Variants in SRL observed in about 807,000 individuals in gnomAD.
SRL encodes sarcalumenin.
Under a neutral mutation model 39.5 loss-of-function variants are expected in SRL, and 23 were observed. The observed-to-expected ratio is 0.58, with a 90% CI of 0.42 to 0.82. SRL has a LOEUF of 0.82. Ranked by LOEUF, SRL falls within the 40% of genes least tolerant of loss-of-function variation. The probability of loss-of-function intolerance (pLI) is 0.00; values close to 1 mark genes in which losing one functional copy is unlikely to be tolerated. For missense variants in SRL, 592 were observed against 607.8 expected (o/e 0.97, Z 0.27); for synonymous variants, 272 against 237.4 (o/e 1.15, Z -1.34).
chr16:4,199,334 AG>A (rs1292847697), intron 3 of SRL, among the ~76,000 whole-genome samples: 4 of 150,872 alleles, frequency 2.7e-5, no homozygotes, highest in Admixed American at 6.6e-5. Flanking sequence ...TGCATATATA[AG>A]CAATATTTGT....
In SRL at chr16:4,234,534, T is replaced by C. The variant is rs761349042; in HGVS notation, c.61+7473A>G. ...GCAGAGGGATGAGGGAGGCTGAAAATAGATGGAACAGGACTTCTCTGATAT... is the reference window on the plus strand; with the variant it reads ...GCAGAGGGATGAGGGAGGCTGAAAACAGATGGAACAGGACTTCTCTGATAT... On this transcript the variant is annotated intron_variant, in intron 1 of 5. Coordinates refer to ENST00000399609, the MANE Select transcript of SRL (RefSeq NM_001098814.2). 3.3e-5 allele frequency among the ~76,000 whole-genome samples: 5 copies of C among 152,062 alleles called. No individual in the cohort carries two copies. The East Asian group carries it at 9.6e-4, about 29-fold the overall frequency.
intron 1 of SRL, among the ~76,000 whole-genome samples, chr16:4,241,806 G>A (rs902393161): frequency 1.1e-4 from 17 of 152,170 alleles, no homozygotes; most frequent in Non-Finnish European, 5.9e-5. Flanking sequence ...TGAGGGCCCC[G>A]CAACTGTGCT....
intron 1 of SRL, chr16:4,208,102 G>A: frequency 2.2e-6 from 1 of 447,596 alleles, no homozygotes; most frequent in Non-Finnish European, 4.5e-6. Flanking sequence ...GAGACTTGCA[G>A]TTCTAAATGA....
chr16:4,235,633 T>C (rs2052706377), intron 1 of SRL, among the ~76,000 whole-genome samples: 2 of 152,098 alleles, frequency 1.3e-5, no homozygotes, highest in Non-Finnish European at 1.5e-5. Flanking sequence ...CCCAGGAAGT[T>C]GAGGCTGCAG....
intron 1 of SRL, among the ~76,000 whole-genome samples, chr16:4,222,154 C>T (rs2052537847): frequency 6.6e-6 from 1 of 152,216 alleles, no homozygotes; most frequent in Admixed American, 6.5e-5. Flanking sequence ...AGCCTGGCCC[C>T]TCGCTAATCC....
intron 1 of SRL, among the ~76,000 whole-genome samples, chr16:4,226,548 T>C (rs544401259): frequency 2.7e-5 from 4 of 150,542 alleles, no homozygotes; most frequent in Admixed American, 2.6e-4. Context: ...GATGGACACA[T>C]AGATGGAAAG....
At chr16:4,210,559 C>T (rs987500657) in intron 1 of SRL, among the ~76,000 whole-genome samples, 1 of 140,374 alleles carries the variant, frequency 7.1e-6, no homozygotes, top group East Asian at 2.1e-4. Context: ...AACGCGATCT[C>T]GGTTCACTGT....
Position 4,198,982 on chromosome 16 carries a change from G to A in SRL, c.260-1067C>T, listed in dbSNP as rs115817588. Among the ~76,000 whole-genome samples, 1,227 of 152,226 alleles carry A rather than the reference G, an allele frequency of 8.1e-3. 22 individuals carry two copies. Among genetic ancestry groups the A allele is most frequent in the African/African-American group, 0.029 (1,187 of 41,528 alleles). On this transcript the variant is annotated intron_variant, in intron 3 of 5. Transcript: ENST00000399609. ...GGAGGGAAGGGGAGAGGCTTTCAAC[G>A]TGGGGTGTGGTCAGTCTTATTGCAG...
intron 1 of SRL, 113 bp from the exon 2 acceptor site, chr16:4,204,747 G>C: frequency 1.2e-6 from 1 of 830,118 alleles, no homozygotes; most frequent in Non-Finnish European, 2.0e-6. Context: ...ACAGGGTCTT[G>C]CCAAGTTACA....
At chr16:4,228,560 C>A (rs578063228) in intron 1 of SRL, among the ~76,000 whole-genome samples, 115 of 151,980 alleles carry the variant, frequency 7.6e-4, no homozygotes, top group African/African-American at 2.6e-3. Context: ...ACGGTGAAAC[C>A]CCGTCTCTAC....
chr16:4,190,645 A>G lies in SRL; in HGVS notation c.*1508T>C. ...TGATCTCCCTAATCTCTCTTGGACA[A>G]CATACACACATATTCACACTTATTG... On this transcript the variant is annotated 3_prime_UTR_variant, in exon 6 of 6. Transcript: ENST00000399609. 2.5e-6 allele frequency: 1 copy of G among 396,990 alleles called. No individual in the cohort carries two copies. The highest frequency in any genetic ancestry group is 4.4e-6 in the Non-Finnish European group (1 of 225,404). The allele number at this position is 396,990 out of a possible 1,614,324, so 24.6% of individuals were successfully genotyped here. A position where few individuals can be genotyped will look rare whatever the true frequency, so the allele number is the denominator to read the frequency against.
At chr16:4,206,249 C>T (rs1218622894) in intron 1 of SRL, among the ~76,000 whole-genome samples, 2 of 152,178 alleles carry the variant, frequency 1.3e-5, no homozygotes, top group Non-Finnish European at 2.9e-5. Flanking sequence ...GAGTTCTCAT[C>T]TCATGATCCT....
intron 4 of SRL, among the ~76,000 whole-genome samples, chr16:4,197,580 C>A (rs894443967): frequency 6.6e-6 from 1 of 151,832 alleles, no homozygotes; most frequent in Non-Finnish European, 1.5e-5. Context: ...TGTCACCATG[C>A]TTAGCTAATT....
In SRL at chr16:4,204,613, T is replaced by C; in HGVS notation, c.83A>G (p.Glu28Gly). 1.9e-6 allele frequency: 3 copies of C among 1,614,172 alleles called. No individual in the cohort carries two copies. Among genetic ancestry groups the C allele is most frequent in the African/African-American group, 1.3e-5 (1 of 75,054 alleles). ...GQAEETEDAN[E>G]EAPLRDRSHI... Reference sequence around the variant, plus strand: ...GGAGCGGTCCCTCAATGGGGCTTCTTCATTTGCATCCTCCGTCTCTTCTGT... The same window carrying C: ...GGAGCGGTCCCTCAATGGGGCTTCTCCATTTGCATCCTCCGTCTCTTCTGT... Residue 28 changes from glutamate (E) to glycine (G), a missense_variant, in exon 2 of 6, where the codon GAA (glutamate) becomes GGA (glycine). Coordinates refer to ENST00000399609, the MANE Select transcript of SRL (RefSeq NM_001098814.2).
chr16:4,235,428 G>A (rs1354989686), intron 1 of SRL, among the ~76,000 whole-genome samples: 2 of 152,236 alleles, frequency 1.3e-5, no homozygotes, highest in African/African-American at 2.4e-5. Flanking sequence ...GCGTGCAGTG[G>A]CTCACACTTG....
At position 4,222,061 on chromosome 16, in the gene SRL, T is replaced by C. The variant is rs561680833; in HGVS notation, c.62-17427A>G. ...GGGGTTAGGACTTCAACACATCCTT[T>C]TGGGGGATGCAATCCAACCCATAAC... On this transcript the variant is annotated intron_variant, in intron 1 of 5. Transcript: ENST00000399609. Among the ~76,000 whole-genome samples, 51 of 152,316 alleles carry C rather than the reference T, an allele frequency of 3.3e-4. 1 individual carries two copies. Among genetic ancestry groups the C allele is most frequent in the African/African-American group, 1.2e-3 (48 of 41,570 alleles).
rs746762278 is a variant in SRL, at chr16:4,192,632, G to A, written c.943C>T (p.Leu315=). 6.2e-7 allele frequency: 1 copy of A among 1,613,996 alleles called. No homozygotes were observed. The highest frequency in any genetic ancestry group is 1.3e-5 in the African/African-American group (1 of 74,910). Residue 315 remains leucine (L), a synonymous_variant, in exon 6 of 6, where the codon CTA becomes TTA. Transcript: ENST00000399609. This position sits in a 1 kb window ranked among gnomAD's most constrained non-coding sequence, Gnocchi z 4.0. ...TCGATCACCTGATTCAGGTCTTCTA[G>A]GAGGGAGATCTCTTCTTGGAGGAAC... is the stretch of plus-strand genomic sequence containing the variant. ...ELFLQEEISL[L]EDLNQVIENR...
intron 3 of SRL, among the ~76,000 whole-genome samples, chr16:4,198,954 C>A (rs2052185185): frequency 6.6e-6 from 1 of 152,092 alleles, no homozygotes; most frequent in Non-Finnish European, 1.5e-5. Flanking sequence ...ATCCAGTGGA[C>A]AGGGAGGGAA....
At chr16:4,225,053 C>G (rs145352169) in intron 1 of SRL, among the ~76,000 whole-genome samples, 98 of 152,214 alleles carry the variant, frequency 6.4e-4, no homozygotes, top group African/African-American at 2.2e-3. Context: ...AATCCATAGA[C>G]ACAGAAAGCA....
Sources: allele counts gnomAD v4.1 joint callset (sites outside exome capture counted in the v4.1 genomes callset), GRCh38; gene constraint gnomAD v4.1.1; non-coding constraint Gnocchi (gnomAD v3.1); transcripts MANE v1.5; gene names NCBI Gene and HGNC (gene_info 2026-07-23, HGNC 2026-07-21).